Variants in OAS3 observed in about 807,000 individuals in gnomAD.
The protein encoded by OAS3 is 2'-5'-oligoadenylate synthetase 3.
In OAS3, 107 loss-of-function variants were observed where a neutral mutation model predicts 113.0. That is an observed-to-expected ratio of 0.95 (90% CI 0.81 to 1.11). The LOEUF is 1.11. OAS3 is among the 50% of genes most tolerant of loss of function. The pLI is 0.00. For missense variants in OAS3, 1,258 were observed against 1,389.1 expected (o/e 0.91, Z 1.50); for synonymous variants, 552 against 573.6 (o/e 0.96, Z 0.54).
At chr12:112,953,000 T>A (rs1478732021) in intron 7 of OAS3, among the ~76,000 whole-genome samples, 3 of 152,210 alleles carry the variant, frequency 2.0e-5, no homozygotes, top group Non-Finnish European at 2.9e-5. Context: ...ATGATTTTTT[T>A]ATTATACTTT....
Position 112,961,104 on chromosome 12 carries a change from A to G in OAS3, c.1691A>G (p.Gln564Arg). The G allele has an allele frequency of 5.0e-6, 8 of 1,613,528 alleles. No homozygotes were observed. The highest frequency in any genetic ancestry group is 6.8e-6 in the Non-Finnish European group (8 of 1,179,832). ...QLSSGTKPNP[Q>R]VYSRLLTSGC... ...AGTTCTGGCACCAAACCAAATCCCC[A>G]GGTCTACTCGAGGCTCCTCACCAGT... Residue 564 changes from glutamine to arginine, a missense_variant, in exon 8 of 16, where the codon CAG becomes CGG. Transcript: ENST00000228928.
At position 112,948,917 on chromosome 12, in the gene OAS3, C is replaced by G. The variant is rs747251768; in HGVS notation, c.1086C>G (p.Asn362Lys). Residue 362 changes from asparagine to lysine, a missense_variant, in exon 6 of 16, where the codon AAC (asparagine) becomes AAG (lysine). Asn to Lys is a moderately conservative substitution (Grantham distance 94). Transcript: ENST00000228928. Reference protein sequence around the residue: ...GLGHPIQLDPNQKTPENSKSL... With the variant: ...GLGHPIQLDPKQKTPENSKSL... ...GCCACCCCATCCAGCTAGACCCTAA[C>G]CAGAAGACCCCTGAAAACAGCAAGA... 12 of 1,608,598 alleles carry G rather than the reference C, an allele frequency of 7.5e-6. No individual in the cohort carries two copies. In the Admixed American group the frequency reaches 2.0e-4, roughly 27 times the overall value.
At chr12:112,966,924 G>A (rs139613238) in intron 12 of OAS3, among the ~76,000 whole-genome samples, 130 of 152,290 alleles carry the variant, frequency 8.5e-4, no homozygotes, top group African/African-American at 2.8e-3. Flanking sequence ...GATTACAGAC[G>A]TAAGCCACTG....
In OAS3 at chr12:112,968,117, A is replaced by G; in HGVS notation, c.3047A>G (p.Tyr1016Cys). The G allele has an allele frequency of 6.2e-7, 1 of 1,613,956 alleles. No individual in the cohort carries two copies. ...CTCTGTATCTACTGGACCATCAACT[A>G]CAACGCCAAGGACAAGACTGTTGGA... ...RQLCIYWTINYNAKDKTVGDF... is the reference protein window; with the variant it reads ...RQLCIYWTINCNAKDKTVGDF... The change falls in exon 14 of 16, where the codon TAC (tyrosine) becomes TGC (cysteine). Residue 1016 changes from tyrosine to cysteine, a missense_variant. Coordinates refer to ENST00000228928, the MANE Select transcript of OAS3 (RefSeq NM_006187.4).
rs754849172 is a variant in OAS3, at chr12:112,946,961, G to A, written c.855G>A (p.Gln285=). 3.1e-6 allele frequency: 5 copies of A among 1,614,030 alleles called. No individual in the cohort carries two copies. In the South Asian group the frequency reaches 3.3e-5, roughly 11 times the overall value. ...ACCCTGCAGTTGGGCAGTTCTTGCA[G>A]CGGCAGCTTAAGAGACCCAGGTACT... is the stretch of plus-strand genomic sequence containing the variant. ...FEDPAVGQFL[Q]RQLKRPRPVI... is the part of the protein sequence containing the mutation. The change falls in exon 4 of 16, where the codon CAG becomes CAA. Residue 285 remains glutamine, a synonymous_variant. Transcript: ENST00000228928.
rs370077228 is a variant in OAS3 at position 112,949,215 on chromosome 12, G to A, written c.1374+10G>A. 1.9e-6 allele frequency: 3 copies of A among 1,573,826 alleles called. No individual in the cohort carries two copies. Among genetic ancestry groups the A allele is most frequent in the African/African-American group, 3.1e-5 (2 of 65,338 alleles). ...CTCAAGAGTCAGTAAAGTGAGTTGG[G>A]CCAGTGGAGACACAGGGGGGACCCT... On this transcript the variant is annotated intron_variant, in intron 6 of 15. Transcript: ENST00000228928.
chr12:112,947,947 C>T lies in OAS3; in HGVS notation c.877C>T (p.Pro293Ser). The T allele has an allele frequency of 1.3e-6, 2 of 1,589,072 alleles. No homozygotes were observed. Among genetic ancestry groups the T allele is most frequent in the Non-Finnish European group, 1.7e-6 (2 of 1,167,904 alleles). Residue 293 changes from proline to serine, a missense_variant and splice_region_variant, in exon 5 of 16, where the codon CCT (proline) becomes TCT (serine). Transcript: ENST00000228928. ...FLQRQLKRPR[P>S]VILDPADPTW... Reference sequence around the variant, plus strand: ...CTTCTTGTCTCTCTGAAATTGCAGGCCTGTGATCCTGGACCCAGCTGACCC... The same window carrying T: ...CTTCTTGTCTCTCTGAAATTGCAGGTCTGTGATCCTGGACCCAGCTGACCC...
Position 112,963,308 on chromosome 12 carries a change from C to T in OAS3, c.2085-5C>T. 1 of 1,569,868 alleles carries T rather than the reference C, an allele frequency of 6.4e-7. No homozygotes were observed. Among genetic ancestry groups the T allele is most frequent in the Non-Finnish European group, 8.7e-7 (1 of 1,155,980 alleles). ...TCCCCACCCACCTTCCTGCTGTGCCCCCAGACCCCTGGTCCTGGACCCCGC... is the reference window on the plus strand; with the variant it reads ...TCCCCACCCACCTTCCTGCTGTGCCTCCAGACCCCTGGTCCTGGACCCCGC... On this transcript the variant is annotated splice_polypyrimidine_tract_variant and splice_region_variant and intron_variant, in intron 9 of 15. Coordinates refer to ENST00000228928, the MANE Select transcript of OAS3 (RefSeq NM_006187.4). This position sits in a 1 kb window ranked among gnomAD's most constrained non-coding sequence, Gnocchi z 4.6.
At chr12:112,964,721 A>G (rs1404174104) in intron 11 of OAS3, among the ~76,000 whole-genome samples, 2 of 151,930 alleles carry the variant, frequency 1.3e-5, no homozygotes, top group Non-Finnish European at 2.9e-5. Context: ...CAGCATCATC[A>G]GGACTCAGTT....
intron 7 of OAS3, 139 bp from the exon 8 acceptor site, chr12:112,960,927 TTATTC>T (rs1593182548): frequency 5.0e-6 from 4 of 799,476 alleles, no homozygotes; most frequent in Non-Finnish European, 8.1e-6. Flanking sequence ...GCTCTGATTG[TTATTC>T]AATGTTATAG....
chr12:112,950,234 T>G (rs2043776401), intron 6 of OAS3, among the ~76,000 whole-genome samples: 2 of 152,030 alleles, frequency 1.3e-5, no homozygotes, highest in Admixed American at 6.5e-5. Context: ...CACTTACATG[T>G]ATCGGATATG....
Position 112,938,605 on chromosome 12 carries a change from C to T in OAS3, c.75C>T (p.Phe25=), listed in dbSNP as rs2043650384. 1 of 1,610,418 alleles carries T rather than the reference C, an allele frequency of 6.2e-7. No homozygotes were observed. The highest frequency in any genetic ancestry group is 8.5e-7 in the Non-Finnish European group (1 of 1,178,968). ...GAAGGCTGCAGCCGCGGAAGGAGTT[C>T]GTAGAGAAGGCGCGGCGCGCTCTGG... ...VARRLQPRKE[F]VEKARRALGA... is the part of the protein sequence containing the mutation. The change falls in exon 1 of 16, where the codon TTC becomes TTT. Residue 25 remains phenylalanine, a synonymous_variant. Transcript: ENST00000228928.
Position 112,938,685 on chromosome 12 carries a change from C to T in OAS3, c.155C>T (p.Pro52Leu), listed in dbSNP as rs1185911165. The change falls in exon 1 of 16, where the codon CCG becomes CTG. Residue 52 changes from proline (P) to leucine (L), a missense_variant. Coordinates refer to ENST00000228928, the MANE Select transcript of OAS3 (RefSeq NM_006187.4). ...GGGGGCCGCCTCGGTGCTGCTGCCC[C>T]GCGGGTGCTGAAAACTGTCAAGGTG... ...ERGGRLGAAA[P>L]RVLKTVKGGS... is the part of the protein sequence containing the mutation. 3.2e-6 allele frequency: 5 copies of T among 1,572,460 alleles called. No individual in the cohort carries two copies. Among genetic ancestry groups the T allele is most frequent in the Admixed American group, 3.8e-5 (2 of 52,782 alleles).
In OAS3 at chr12:112,971,895, C is replaced by T. The variant is rs917220209; in HGVS notation, c.*1922C>T. The T allele has an allele frequency of 6.6e-6, 1 of 152,324 alleles. No individual in the cohort carries two copies. The highest frequency in any genetic ancestry group is 1.5e-5 in the Non-Finnish European group (1 of 68,128). 9.4% of individuals were successfully genotyped at this position (152,324 alleles called of 1,614,324 possible). A position where few individuals can be genotyped will look rare whatever the true frequency, so the allele number is the denominator to read the frequency against. On this transcript the variant is annotated 3_prime_UTR_variant, in exon 16 of 16. Coordinates refer to ENST00000228928, the MANE Select transcript of OAS3 (RefSeq NM_006187.4). ...CTTGGTGCTGAACCAACGCTAAGGG[C>T]ACCTTCTTAGACTCACCTCATCGAT...
At chr12:112,956,286 A>G (rs1290690989) in intron 7 of OAS3, among the ~76,000 whole-genome samples, 21 of 152,128 alleles carry the variant, frequency 1.4e-4, no homozygotes, top group Non-Finnish European at 1.5e-5. Context: ...TCAAAAAACC[A>G]GCTCTCGGAT....
chr12:112,945,036 G>A (rs1329853962), intron 3 of OAS3: 9 of 304,160 alleles, frequency 3.0e-5, no homozygotes, highest in South Asian at 2.1e-4. Context: ...ATCCTGCCAG[G>A]TGCAGTGGCT....
chr12:112,941,972 C>A, intron 2 of OAS3, 120 bp downstream of exon 2: 1 of 1,231,274 alleles, frequency 8.1e-7, no homozygotes, highest in Non-Finnish European at 1.2e-6. Flanking sequence ...CTCTACCCCT[C>A]TCTCAGCCTC....
intron 7 of OAS3, among the ~76,000 whole-genome samples, chr12:112,959,913 T>C (rs758235391): frequency 6.6e-5 from 10 of 152,200 alleles, no homozygotes; most frequent in Non-Finnish European, 1.2e-4. Context: ...TTCAGTTTCT[T>C]TGATGTCTTC....
At position 112,954,857 on chromosome 12, in the gene OAS3, G is replaced by T. The variant is rs1175216316; in HGVS notation, c.1657+3882G>T. Reference sequence around the variant, plus strand: ...AAGTAGTTTTTTCCAATTCTGTGAAGAAAGTCATTGGTAGCTTGTTGGGGA... The same window carrying T: ...AAGTAGTTTTTTCCAATTCTGTGAATAAAGTCATTGGTAGCTTGTTGGGGA... On this transcript the variant is annotated intron_variant, in intron 7 of 15. Transcript: ENST00000228928. The surrounding 1 kb of genome is among the most constrained non-coding windows in gnomAD (Gnocchi z 4.0). Among the ~76,000 whole-genome samples the T allele has an allele frequency of 3.3e-5, 5 of 152,198 alleles. No individual in the cohort carries two copies. The East Asian group carries it at 5.8e-4, about 18-fold the overall frequency.
Sources: gnomAD v4.1 joint callset for allele counts (sites outside exome capture counted in the v4.1 genomes callset) on GRCh38, gnomAD v4.1.1 for gene constraint, Gnocchi (gnomAD v3.1) non-coding constraint, MANE v1.5 for transcripts, NCBI Gene and HGNC (gene_info 2026-07-23, HGNC 2026-07-21) for gene names.